Variants in CTNND2 observed in about 807,000 individuals in gnomAD.
CTNND2 encodes the protein catenin delta 2, also known as catenin delta-2.
In CTNND2, 22 loss-of-function variants were observed where a neutral mutation model predicts 144.4. The observed-to-expected ratio is 0.15, with a 90% CI of 0.11 to 0.22. The LOEUF (loss-of-function observed/expected upper bound fraction) is 0.22. CTNND2 is among the 10% of genes least tolerant of loss of function. CTNND2 has a pLI of 1.00. For missense variants in CTNND2, 1,353 were observed against 1,618.8 expected, an observed-to-expected ratio of 0.84 and a Z score of 2.82; for synonymous variants, 751 against 695.6, an observed-to-expected ratio of 1.08 and a Z score of -1.25.
intron 11 of CTNND2, among the ~76,000 whole-genome samples, chr5:11,186,303 G>A (rs889052574): frequency 6.6e-6 from 1 of 152,194 alleles, no homozygotes; most frequent in Non-Finnish European, 1.5e-5. Context: ...GGTTTCATAG[G>A]GAAGTAAAGG....
intron 1 of CTNND2, among the ~76,000 whole-genome samples, chr5:11,860,223 T>G (rs1030952745): frequency 1.3e-5 from 2 of 152,202 alleles, no homozygotes; most frequent in Admixed American, 6.5e-5. Flanking sequence ...TTAAGCAAAA[T>G]AGCACCCACA....
chr5:11,388,692 T>C (rs938810906), intron 6 of CTNND2, among the ~76,000 whole-genome samples: 1 of 152,230 alleles, frequency 6.6e-6, no homozygotes, highest in Non-Finnish European at 1.5e-5. Context: ...CCGAATTTGA[T>C]TTAGTAACTC....
chr5:11,416,759 A>G (rs1031527739), intron 3 of CTNND2, among the ~76,000 whole-genome samples: 6 of 152,202 alleles, frequency 3.9e-5, no homozygotes, highest in African/African-American at 1.4e-4. Flanking sequence ...TGAAGGTGTT[A>G]TAACTTAAAT....
intron 11 of CTNND2, among the ~76,000 whole-genome samples, chr5:11,172,990 T>C (rs1219883196): frequency 6.6e-6 from 1 of 152,190 alleles, no homozygotes; most frequent in African/African-American, 2.4e-5. Flanking sequence ...TGTGCTTTTG[T>C]TTTTTAGTGT....
At chr5:11,579,087 TCAA>T (rs1318885549) in intron 2 of CTNND2, among the ~76,000 whole-genome samples, 3 of 152,062 alleles carry the variant, frequency 2.0e-5, no homozygotes, top group African/African-American at 7.2e-5. Flanking sequence ...CGTTCTCAGA[TCAA>T]CTTCAAAAGA....
chr5:11,755,813 T>A (rs1227486388), intron 1 of CTNND2, among the ~76,000 whole-genome samples: 1 of 151,828 alleles, frequency 6.6e-6, no homozygotes, highest in East Asian at 1.9e-4. Context: ...AAATGGCTAT[T>A]TCATCTTTCA....
chr5:11,043,086 TA>T (rs1197544067), intron 16 of CTNND2, among the ~76,000 whole-genome samples: 3 of 143,132 alleles, frequency 2.1e-5, no homozygotes, highest in Admixed American at 7.0e-5. Flanking sequence ...GGTCAGAGCT[TA>T]TTTTTTTTTT....
At chr5:11,226,817 T>G (rs887552130) in intron 10 of CTNND2, among the ~76,000 whole-genome samples, 2 of 152,182 alleles carry the variant, frequency 1.3e-5, no homozygotes, top group African/African-American at 4.8e-5. Context: ...CCCCTACTCA[T>G]GGGGGTCTAT....
At chr5:11,066,808 T>G (rs1280403884) in intron 16 of CTNND2, among the ~76,000 whole-genome samples, 2 of 152,224 alleles carry the variant, frequency 1.3e-5, no homozygotes, top group African/African-American at 4.8e-5. Context: ...AAGGCAATGC[T>G]AATGCCAGAA....
chr5:11,030,700 T>C (rs1025628699), intron 16 of CTNND2, among the ~76,000 whole-genome samples: 1 of 151,714 alleles, frequency 6.6e-6, no homozygotes, highest in Non-Finnish European at 1.5e-5. Flanking sequence ...ACAGTTGTTT[T>C]AAAGTCTTTG....
chr5:11,442,477 T>C (rs1381337350), intron 3 of CTNND2, among the ~76,000 whole-genome samples: 1 of 152,162 alleles, frequency 6.6e-6, no homozygotes, highest in Non-Finnish European at 1.5e-5. Context: ...AAACATTTTA[T>C]ACAATCACTA....
chr5:11,534,692 G>A (rs1774057185), intron 3 of CTNND2, among the ~76,000 whole-genome samples: 1 of 152,098 alleles, frequency 6.6e-6, no homozygotes, highest in South Asian at 2.1e-4. Flanking sequence ...CTGAATTCCT[G>A]GTTTCATGAT....
chr5:11,364,869 C>T lies in CTNND2; in HGVS notation c.1199G>A (p.Ser400Asn). Reference sequence around the variant, plus strand: ...TGGGCCCAGGTGCCCATGCTGGCTGCTGTATGAGGCTCGGGAACCAGCTGA... The same window carrying T: ...TGGGCCCAGGTGCCCATGCTGGCTGTTGTATGAGGCTCGGGAACCAGCTGA... The part of the protein sequence containing the change: ...SLAAGSRASY[S>N]SQHGHLGPEL... The change falls in exon 8 of 22, where the codon AGC (serine) becomes AAC (asparagine). Residue 400 changes from serine (S) to asparagine (N), a missense_variant. Physicochemically the swap from Ser to Asn is conservative, Grantham distance 46. Coordinates refer to ENST00000304623, the MANE Select transcript of CTNND2 (RefSeq NM_001332.4). 1 of 1,612,090 alleles carries T rather than the reference C, an allele frequency of 6.2e-7. No individual in the cohort carries two copies. Among genetic ancestry groups the T allele is most frequent in the Non-Finnish European group, 8.5e-7 (1 of 1,179,132 alleles).
chr5:11,072,836 C>T (rs189406831), intron 16 of CTNND2, among the ~76,000 whole-genome samples: 2 of 152,330 alleles, frequency 1.3e-5, no homozygotes, highest in East Asian at 3.9e-4. Context: ...TTCCTGGTCC[C>T]CTGGTGTATG....
At chr5:11,609,699 C>T (rs2126373510) in intron 2 of CTNND2, among the ~76,000 whole-genome samples, 2 of 152,266 alleles carry the variant, frequency 1.3e-5, no homozygotes, top group East Asian at 3.9e-4. Context: ...ATGCCTTGTC[C>T]ATGTGTCTGA....
At chr5:11,401,519 C>T (rs181293191) in intron 5 of CTNND2, among the ~76,000 whole-genome samples, 2 of 152,194 alleles carry the variant, frequency 1.3e-5, no homozygotes, top group South Asian at 2.1e-4. Flanking sequence ...CAGACCTGGG[C>T]TCTAGCCCAT....
At chr5:11,515,367 A>G (rs1402142515) in intron 3 of CTNND2, among the ~76,000 whole-genome samples, 3 of 152,212 alleles carry the variant, frequency 2.0e-5, no homozygotes, top group African/African-American at 7.2e-5. Context: ...GTGACAAATT[A>G]GAAAGAGAGG....
chr5:11,391,649 T>C (rs1438367831), intron 6 of CTNND2, among the ~76,000 whole-genome samples: 1 of 152,248 alleles, frequency 6.6e-6, no homozygotes, highest in Non-Finnish European at 1.5e-5. Context: ...CGAGAAAAGT[T>C]TGATTTTGTC....
At chr5:11,827,442 G>A (rs1025379443) in intron 1 of CTNND2, among the ~76,000 whole-genome samples, 3 of 151,964 alleles carry the variant, frequency 2.0e-5, no homozygotes, top group Non-Finnish European at 4.4e-5. Context: ...ATAAAACAAA[G>A]ATAGAAATCA....
Sources: allele counts gnomAD v4.1 joint callset (sites outside exome capture counted in the v4.1 genomes callset), GRCh38; gene constraint gnomAD v4.1.1; transcripts MANE v1.5; gene names NCBI Gene and HGNC (gene_info 2026-07-23, HGNC 2026-07-21).